Variants in SRPK2 observed in about 807,000 individuals in gnomAD.
The protein encoded by SRPK2 is SRSF protein kinase 2, also known as SFRS protein kinase 2.
Under a neutral mutation model 90.8 loss-of-function variants are expected in SRPK2, and 21 were observed. The observed-to-expected ratio is 0.23, with a 90% confidence interval of 0.16 to 0.33. SRPK2 has a LOEUF of 0.33. Ranked by LOEUF, SRPK2 falls within the 10% of genes least tolerant of loss-of-function variation. The probability of loss-of-function intolerance (pLI) is 1.00; values close to 1 mark genes in which losing one functional copy is unlikely to be tolerated. For synonymous variants in SRPK2, 288 were observed against 311.1 expected, an observed-to-expected ratio of 0.93 and a Z score of 0.78; for missense variants, 620 against 869.0, an observed-to-expected ratio of 0.71 and a Z score of 3.60.
chr7:105,140,963 A>T (rs901552301), intron 11 of SRPK2, among the ~76,000 whole-genome samples: 5 of 146,806 alleles, frequency 3.4e-5, no homozygotes, highest in Non-Finnish European at 7.6e-5. Context: ...TCAATCTCAT[A>T]AAAAAAAAAA....
chr7:105,153,439 T>C (rs1391087971), intron 7 of SRPK2, among the ~76,000 whole-genome samples: 2 of 152,134 alleles, frequency 1.3e-5, no homozygotes, highest in African/African-American at 4.8e-5. Context: ...CTATTACTGG[T>C]CTTCGCAACA....
In SRPK2 at chr7:105,263,548, T is replaced by C. The variant is rs1196727493; in HGVS notation, c.72-59763A>G. Reference sequence around the variant, plus strand: ...ACCAAAAGCTTATCCAGAGGGTTTCTATTTATATAATGTTCAAAACAGATA... The same window carrying C: ...ACCAAAAGCTTATCCAGAGGGTTTCCATTTATATAATGTTCAAAACAGATA... On this transcript the variant is annotated intron_variant, in intron 2 of 15. Coordinates refer to ENST00000393651, the MANE Select transcript of SRPK2 (RefSeq NM_182692.3). Among the ~76,000 whole-genome samples, 4 of 152,192 alleles carry C rather than the reference T, an allele frequency of 2.6e-5. No individual in the cohort carries two copies. The East Asian group carries it at 7.7e-4, about 29-fold the overall frequency.
At chr7:105,381,438 A>G (rs1454189541) in intron 2 of SRPK2, among the ~76,000 whole-genome samples, 1 of 152,096 alleles carries the variant, frequency 6.6e-6, no homozygotes, top group African/African-American at 2.4e-5. Context: ...ACTGCAGTCC[A>G]GCCTGGGCAA....
At chr7:105,335,480 T>C (rs935199199) in intron 2 of SRPK2, among the ~76,000 whole-genome samples, 1 of 150,126 alleles carries the variant, frequency 6.7e-6, no homozygotes, top group Non-Finnish European at 1.5e-5. Context: ...GGAAATACAG[T>C]GAGACCTCAT....
intron 2 of SRPK2, among the ~76,000 whole-genome samples, chr7:105,237,740 C>G (rs917295829): frequency 2.0e-5 from 3 of 152,188 alleles, no homozygotes; most frequent in African/African-American, 7.2e-5. Flanking sequence ...CATGAGACAT[C>G]TGAGTGCTGT....
At position 105,290,612 on chromosome 7, in the gene SRPK2, T is replaced by G. The variant is rs574926012; in HGVS notation, c.72-86827A>C. Among the ~76,000 whole-genome samples the G allele has an allele frequency of 1.9e-4, 29 of 152,198 alleles. No individual in the cohort carries two copies. In the South Asian group the frequency reaches 5.6e-3, roughly 29 times the overall value. On this transcript the variant is annotated intron_variant, in intron 2 of 15. Transcript: ENST00000393651. The stretch of plus-strand genomic sequence containing the variant: ...TGGGAGGCTGAGGTGGAAGGATTAT[T>G]TGAGGCCAGGAGATCCAGACCAGCT...
At chr7:105,173,163 G>C (rs990605913) in intron 3 of SRPK2, among the ~76,000 whole-genome samples, 1 of 152,032 alleles carries the variant, frequency 6.6e-6, no homozygotes, top group Non-Finnish European at 1.5e-5. Context: ...ACCCAGGCTG[G>C]AGTGCAGTAG....
At chr7:105,260,094 A>C (rs1224183801) in intron 2 of SRPK2, among the ~76,000 whole-genome samples, 4 of 152,150 alleles carry the variant, frequency 2.6e-5, no homozygotes, top group South Asian at 2.1e-4. Flanking sequence ...TCAGAGTGAA[A>C]AGGCAACCTA....
intron 2 of SRPK2, among the ~76,000 whole-genome samples, chr7:105,273,123 G>A (rs547689355): frequency 4.6e-5 from 7 of 151,974 alleles, no homozygotes; most frequent in African/African-American, 1.7e-4. Flanking sequence ...GCTGAGGCAG[G>A]AGAATGGCAT....
At chr7:105,156,206 G>C (rs1440137663) in intron 7 of SRPK2, among the ~76,000 whole-genome samples, 1 of 152,136 alleles carries the variant, frequency 6.6e-6, no homozygotes, top group African/African-American at 2.4e-5. Context: ...GTAAACCCAT[G>C]AGCTCTGAAG....
intron 2 of SRPK2, among the ~76,000 whole-genome samples, chr7:105,247,751 G>T (rs565095263): frequency 1.3e-5 from 2 of 151,918 alleles, no homozygotes; most frequent in South Asian, 4.2e-4. Flanking sequence ...TATAGAGATG[G>T]TACCTCACTA....
At chr7:105,199,893 A>AT (rs1294314273) in intron 3 of SRPK2, among the ~76,000 whole-genome samples, 2 of 59,752 alleles carry the variant, frequency 3.3e-5, no homozygotes, top group African/African-American at 1.4e-4. Flanking sequence ...TTATTGTTTA[A>AT]TTTAAAAAAA....
intron 2 of SRPK2, among the ~76,000 whole-genome samples, chr7:105,280,815 C>T (rs1018744461): frequency 2.0e-5 from 3 of 150,706 alleles, no homozygotes; most frequent in Non-Finnish European, 4.4e-5. Flanking sequence ...GGCGTGGTGG[C>T]GGGCACCTGT....
intron 11 of SRPK2, among the ~76,000 whole-genome samples, chr7:105,135,765 A>T (rs1258673606): frequency 2.1e-5 from 3 of 141,636 alleles, no homozygotes; most frequent in South Asian, 2.2e-4. Flanking sequence ...AATGCAGGGA[A>T]TTTTTTTTTT....
chr7:105,170,001 G>C (rs1297053447), intron 3 of SRPK2, among the ~76,000 whole-genome samples: 3 of 151,864 alleles, frequency 2.0e-5, no homozygotes, highest in Non-Finnish European at 4.4e-5. Context: ...TTTTTTGTAG[G>C]GACAGGGTTT....
At chr7:105,341,742 T>C (rs1585791519) in intron 2 of SRPK2, among the ~76,000 whole-genome samples, 1 of 151,572 alleles carries the variant, frequency 6.6e-6, no homozygotes, top group Non-Finnish European at 1.5e-5. Context: ...CTGAGGTGGG[T>C]GATCACCTGA....
chr7:105,301,130 A>G (rs989020157), intron 2 of SRPK2, among the ~76,000 whole-genome samples: 4 of 152,170 alleles, frequency 2.6e-5, no homozygotes, highest in Admixed American at 6.5e-5. Flanking sequence ...ATGTCCATCA[A>G]TGATAGACTG....
chr7:105,209,101 A>C (rs1459233866), intron 2 of SRPK2, among the ~76,000 whole-genome samples: 3 of 152,268 alleles, frequency 2.0e-5, no homozygotes, highest in Non-Finnish European at 4.4e-5. Flanking sequence ...ATCAATATGC[A>C]TAGTCTCTTT....
intron 9 of SRPK2, among the ~76,000 whole-genome samples, chr7:105,144,309 C>A (rs1036699629): frequency 2.0e-5 from 3 of 150,156 alleles, no homozygotes. Context: ...GGCGTGATCT[C>A]AGCTCACTGC....
Sources: allele counts gnomAD v4.1 joint callset (sites outside exome capture counted in the v4.1 genomes callset), GRCh38; gene constraint gnomAD v4.1.1; transcripts MANE v1.5; gene names NCBI Gene and HGNC (gene_info 2026-07-23, HGNC 2026-07-21).